Variants in CTNNA3 observed in about 807,000 individuals in gnomAD.
The protein encoded by CTNNA3 is catenin alpha 3.
A neutral mutation model predicts 95.7 loss-of-function variants in CTNNA3; 76 were observed. The observed-to-expected ratio is 0.79, with a 90% CI of 0.66 to 0.96. The LOEUF is 0.96. CTNNA3 is among the 40% of genes least tolerant of loss of function. CTNNA3 has a pLI of 0.00. For missense variants in CTNNA3, 1,191 were observed against 1,089.8 expected (o/e 1.09, Z -1.31); for synonymous variants, 431 against 374.4 (o/e 1.15, Z -1.74).
chr10:66,306,148 ATACTT>A (rs1340074099), intron 12 of CTNNA3, among the ~76,000 whole-genome samples: 1 of 152,230 alleles, frequency 6.6e-6, no homozygotes, highest in Non-Finnish European at 1.5e-5. Context: ...CAGTGTCCAG[ATACTT>A]AACTAAATTT....
chr10:67,493,298 C>G (rs1838915675), intron 5 of CTNNA3, among the ~76,000 whole-genome samples: 1 of 151,952 alleles, frequency 6.6e-6, no homozygotes, highest in Admixed American at 6.5e-5. Flanking sequence ...CACGGCGGCT[C>G]ACCCCTGTAA....
At chr10:66,226,525 A>T (rs1296795492) in intron 13 of CTNNA3, among the ~76,000 whole-genome samples, 1 of 148,218 alleles carries the variant, frequency 6.7e-6, no homozygotes, top group African/African-American at 2.5e-5. Context: ...GAACTGATTT[A>T]GTTATTTGAG....
intron 11 of CTNNA3, among the ~76,000 whole-genome samples, chr10:66,428,816 T>C (rs1436367975): frequency 2.6e-5 from 4 of 151,388 alleles, no homozygotes; most frequent in Non-Finnish European, 5.9e-5. Context: ...GATCCAAAAT[T>C]GACACCCTAA....
intron 10 of CTNNA3, among the ~76,000 whole-genome samples, chr10:66,605,696 T>A (rs1023686635): frequency 2.0e-5 from 3 of 152,252 alleles, no homozygotes; most frequent in African/African-American, 7.2e-5. Flanking sequence ...GAGTTTCATA[T>A]CCAGCCAAAC....
intron 12 of CTNNA3, among the ~76,000 whole-genome samples, chr10:66,318,276 ATG>A (rs138734509): frequency 0.061 from 8,355 of 136,564 alleles, 286 homozygotes; most frequent in Middle Eastern, 0.083. Flanking sequence ...ATATATATAT[ATG>A]TGTGTGTGTG....
intron 12 of CTNNA3, among the ~76,000 whole-genome samples, chr10:66,283,674 G>A (rs1351659954): frequency 6.6e-6 from 1 of 151,732 alleles, no homozygotes; most frequent in African/African-American, 2.4e-5. Context: ...AAGTACAGAT[G>A]GAAACTACTA....
intron 11 of CTNNA3, among the ~76,000 whole-genome samples, chr10:66,515,680 G>T (rs933256869): frequency 3.3e-5 from 5 of 152,098 alleles, no homozygotes; most frequent in African/African-American, 1.2e-4. Flanking sequence ...CATGGTGGAA[G>T]GGGAAGCAAA....
intron 13 of CTNNA3, among the ~76,000 whole-genome samples, chr10:66,160,105 T>G (rs2084763914): frequency 6.6e-6 from 1 of 152,098 alleles, no homozygotes; most frequent in African/African-American, 2.4e-5. Flanking sequence ...TTTATCAGTT[T>G]TATTTATCTT....
At chr10:67,108,761 A>T (rs1264556607) in intron 7 of CTNNA3, among the ~76,000 whole-genome samples, 1 of 152,176 alleles carries the variant, frequency 6.6e-6, no homozygotes, top group Non-Finnish European at 1.5e-5. Flanking sequence ...ATGTCTGTGG[A>T]TATTATCATC....
intron 16 of CTNNA3, among the ~76,000 whole-genome samples, chr10:65,986,189 CCT>C (rs2133317860): frequency 6.6e-6 from 1 of 151,050 alleles, no homozygotes; most frequent in Non-Finnish European, 1.5e-5. Context: ...CCTTATTTAC[CCT>C]GTTGTGATTA....
At chr10:67,654,570 C>A (rs1839968086) in intron 1 of CTNNA3, among the ~76,000 whole-genome samples, 1 of 151,516 alleles carries the variant, frequency 6.6e-6, no homozygotes, top group Admixed American at 6.6e-5. Context: ...ACCACTGCAA[C>A]CTCCACCTCC....
chr10:67,441,748 G>A (rs1846527616), intron 5 of CTNNA3, among the ~76,000 whole-genome samples: 1 of 151,980 alleles, frequency 6.6e-6, no homozygotes, highest in African/African-American at 2.4e-5. Context: ...ATACTTTCCT[G>A]GACAAAGAAA....
At chr10:67,738,750 AC>A (rs1841317390) in intron 1 of CTNNA3, among the ~76,000 whole-genome samples, 1 of 152,122 alleles carries the variant, frequency 6.6e-6, no homozygotes, top group Non-Finnish European at 1.5e-5. Flanking sequence ...TCCTTAAAGG[AC>A]CTGATGAAGC....
chr10:66,722,239 G>C (rs1467851806), intron 9 of CTNNA3, among the ~76,000 whole-genome samples: 1 of 151,992 alleles, frequency 6.6e-6, no homozygotes, highest in East Asian at 1.9e-4. Context: ...TTAGCCGGGC[G>C]TGGTGGCAGG....
chr10:67,737,820 G>A (rs977566842), intron 1 of CTNNA3, among the ~76,000 whole-genome samples: 1 of 152,148 alleles, frequency 6.6e-6, no homozygotes, highest in Non-Finnish European at 1.5e-5. Flanking sequence ...CTGTAAACTA[G>A]TTCAACCATT....
intron 7 of CTNNA3, among the ~76,000 whole-genome samples, chr10:66,818,321 G>T (rs1043490253): frequency 6.9e-6 from 1 of 144,098 alleles, no homozygotes; most frequent in South Asian, 2.2e-4. Flanking sequence ...GTAGTCTTTG[G>T]AAAATAACTG....
chr10:66,259,982 T>C (rs2132096899), intron 13 of CTNNA3, among the ~76,000 whole-genome samples: 1 of 152,236 alleles, frequency 6.6e-6, no homozygotes, highest in East Asian at 1.9e-4. Context: ...TGTTGGGGCT[T>C]AGGAACTGAT....
At chr10:67,334,161 C>A in intron 5 of CTNNA3, 1 of 153,696 alleles carries the variant, frequency 6.5e-6, no homozygotes, top group South Asian at 1.9e-4. Flanking sequence ...TGGTTCTAGT[C>A]CCTTATCATA....
chr10:66,841,842 TAACAACTGCCATAA>T (rs1474217809), intron 7 of CTNNA3, among the ~76,000 whole-genome samples: 1 of 152,090 alleles, frequency 6.6e-6, no homozygotes, highest in Non-Finnish European at 1.5e-5. Flanking sequence ...TAAAGTATAC[TAACAACTGCCATAA>T]AATGGATATG....
Sources: allele counts gnomAD v4.1 joint callset (sites outside exome capture counted in the v4.1 genomes callset), GRCh38; gene constraint gnomAD v4.1.1; transcripts MANE v1.5; gene names NCBI Gene and HGNC (gene_info 2026-07-23, HGNC 2026-07-21).